The following SPMIP6 variants were observed in gnomAD, a reference collection of about 807,000 sequenced individuals.
SPMIP6 encodes sperm microtubule inner protein 6, also known as ciliated bronchial epithelial protein 1.
chr9:34,390,432 G>C, the SPMIP6 span, among the ~76,000 whole-genome samples: 1 of 152,010 alleles, frequency 6.6e-6, no homozygotes, highest in East Asian at 1.9e-4. Context: ...TACAGTTCAA[G>C]AATTTTTACT....
the SPMIP6 span, chr9:34,380,799 G>GGCCTGCAC: frequency 6.5e-7 from 1 of 1,536,456 alleles, no homozygotes; most frequent in African/African-American, 1.4e-5. Context: ...GCAGGCTGGG[G>GGCCTGCAC]GCCTGCACGG....
the SPMIP6 span, among the ~76,000 whole-genome samples, chr9:34,390,479 T>A: frequency 1.3e-5 from 2 of 152,308 alleles, no homozygotes; most frequent in South Asian, 4.1e-4. Context: ...TTTGAAATGA[T>A]CTTCTGTTTT....
the SPMIP6 span, chr9:34,379,750 C>G: frequency 6.2e-7 from 1 of 1,604,946 alleles, no homozygotes; most frequent in South Asian, 1.1e-5. This position sits in a 1 kb window ranked among gnomAD's most constrained non-coding sequence, Gnocchi z 4.2. Flanking sequence ...AGGAGGAAGC[C>G]GCGAGCATGG....
the SPMIP6 span, among the ~76,000 whole-genome samples, chr9:34,391,278 TTTTA>T: frequency 2.0e-5 from 3 of 152,190 alleles, no homozygotes; most frequent in Non-Finnish European, 2.9e-5. Context: ...TAGACCCTTC[TTTTA>T]TTTGTCTGTG....
chr9:34,380,837 G>GGT, the SPMIP6 span: 1 of 1,137,598 alleles, frequency 8.8e-7, no homozygotes, highest in Admixed American at 2.3e-5. Flanking sequence ...AGGGGGCGGG[G>GGT]TTCTGGGGCG....
At chr9:34,394,401 C>T in the SPMIP6 span, among the ~76,000 whole-genome samples, 1 of 152,148 alleles carries the variant, frequency 6.6e-6, no homozygotes, top group African/African-American at 2.4e-5. Context: ...ATGATCCACC[C>T]ACCTCGGCCT....
the SPMIP6 span, among the ~76,000 whole-genome samples, chr9:34,393,725 T>G: frequency 6.6e-6 from 1 of 152,144 alleles, no homozygotes; most frequent in African/African-American, 2.4e-5. Context: ...GATCTTCTCA[T>G]TCTGTCTTTC....
At chr9:34,393,500 AT>A in the SPMIP6 span, among the ~76,000 whole-genome samples, 3 of 151,930 alleles carry the variant, frequency 2.0e-5, no homozygotes, top group African/African-American at 7.2e-5. Flanking sequence ...CACTTCGAGA[AT>A]TTTTTTTCTT....
chr9:34,386,428 T>C, the SPMIP6 span, among the ~76,000 whole-genome samples: 1 of 152,098 alleles, frequency 6.6e-6, no homozygotes, highest in Non-Finnish European at 1.5e-5. Context: ...ATCCCGTCTC[T>C]ACTAAAAATA....
chr9:34,395,151 C>T, the SPMIP6 span, among the ~76,000 whole-genome samples: 1 of 152,028 alleles, frequency 6.6e-6, no homozygotes, highest in African/African-American at 2.4e-5. Flanking sequence ...TTGGTAGAGA[C>T]AGGATTTCAC....
At chr9:34,384,134 T>A in the SPMIP6 span, among the ~76,000 whole-genome samples, 1 of 151,848 alleles carries the variant, frequency 6.6e-6, no homozygotes, top group Non-Finnish European at 1.5e-5. Flanking sequence ...GGATTTGGAG[T>A]TCGGGGATGG....
chr9:34,387,764 T>C, the SPMIP6 span, among the ~76,000 whole-genome samples: 1 of 152,248 alleles, frequency 6.6e-6, no homozygotes, highest in Non-Finnish European at 1.5e-5. Flanking sequence ...GGCTTTGAGC[T>C]GTGTGTAGGC....
At chr9:34,380,955 C>T in the SPMIP6 span, 11 of 1,604,816 alleles carry the variant, frequency 6.9e-6, no homozygotes, top group East Asian at 2.2e-5. Flanking sequence ...CAGGGCGCCC[C>T]GCTGGCGTAG....
the SPMIP6 span, among the ~76,000 whole-genome samples, chr9:34,392,414 T>C: frequency 1.3e-5 from 2 of 151,390 alleles, no homozygotes; most frequent in African/African-American, 4.9e-5. The surrounding 1 kb of genome is among the most constrained non-coding windows in gnomAD (Gnocchi z 4.6). Flanking sequence ...TGAAACTTTG[T>C]CATTTATGTG....
chr9:34,382,889 A>T, the SPMIP6 span: 1 of 1,466,450 alleles, frequency 6.8e-7, no homozygotes, highest in Non-Finnish European at 9.6e-7. Flanking sequence ...AGGGGTGGAG[A>T]TGTCAAATAG....
the SPMIP6 span, among the ~76,000 whole-genome samples, chr9:34,382,312 A>G: frequency 6.6e-6 from 1 of 152,204 alleles, no homozygotes; most frequent in Non-Finnish European, 1.5e-5. Flanking sequence ...GGCCAGGTGC[A>G]GTGGCTCATG....
the SPMIP6 span, chr9:34,380,877 G>A: frequency 6.7e-7 from 1 of 1,500,606 alleles, no homozygotes; most frequent in Non-Finnish European, 8.9e-7. Context: ...CCCGGCTGAG[G>A]CGGGCGGAGC....
chr9:34,381,078 G>A, the SPMIP6 span: 2 of 1,610,840 alleles, frequency 1.2e-6, no homozygotes, highest in African/African-American at 2.7e-5. This position sits in a 1 kb window ranked among gnomAD's most constrained non-coding sequence, Gnocchi z 4.4. Flanking sequence ...GTGATCCGCG[G>A]CAGCTGCTGG....
chr9:34,395,258 T>C, the SPMIP6 span, among the ~76,000 whole-genome samples: 1 of 152,180 alleles, frequency 6.6e-6, no homozygotes, highest in Non-Finnish European at 1.5e-5. Context: ...TGAGACACCA[T>C]GCCTGGCTTT....
Sources: gnomAD v4.1 joint callset for allele counts (sites outside exome capture counted in the v4.1 genomes callset) on GRCh38, gnomAD v4.1.1 for gene constraint, Gnocchi (gnomAD v3.1) non-coding constraint, MANE v1.5 for transcripts, NCBI Gene and HGNC (gene_info 2026-07-23, HGNC 2026-07-21) for gene names.